KCNK10: variants seen among roughly 807,000 people sequenced by gnomAD.
The protein encoded by KCNK10 is potassium two pore domain channel subfamily K member 10, also known as potassium channel subfamily K member 10.
Under a neutral mutation model 47.7 loss-of-function variants are expected in KCNK10, and 25 were observed. The ratio of observed to expected loss-of-function variants is 0.52; its 90% CI spans 0.38 to 0.73. The LOEUF is 0.73. KCNK10 is among the 30% of genes least tolerant of loss of function. The probability of loss-of-function intolerance (pLI) is 0.00; values close to 1 mark genes in which losing one functional copy is unlikely to be tolerated. For synonymous variants in KCNK10, 303 were observed against 285.6 expected, an observed-to-expected ratio of 1.06 and a Z score of -0.61; for missense variants, 563 against 714.5, an observed-to-expected ratio of 0.79 and a Z score of 2.42.
chr14:88,257,955 T>G (rs1369838947), intron 2 of KCNK10, among the ~76,000 whole-genome samples: 1 of 152,064 alleles, frequency 6.6e-6, no homozygotes, highest in Non-Finnish European at 1.5e-5. Flanking sequence ...AACCCTGGCC[T>G]CTACCCACTA....
At chr14:88,267,375 C>CTTT (rs59088203) in intron 1 of KCNK10, among the ~76,000 whole-genome samples, 1 of 145,046 alleles carries the variant, frequency 6.9e-6, no homozygotes, top group African/African-American at 2.5e-5. Flanking sequence ...TTTTCTTTTT[C>CTTT]TTTTTTTTTT....
chr14:88,287,015 T>C (rs769844096), intron 1 of KCNK10, among the ~76,000 whole-genome samples: 30 of 152,216 alleles, frequency 2.0e-4, no homozygotes, highest in Non-Finnish European at 3.5e-4. Flanking sequence ...TCCAAGTGCT[T>C]TACATGCATT....
At chr14:88,301,539 A>C (rs1219457727) in intron 1 of KCNK10, among the ~76,000 whole-genome samples, 1 of 152,064 alleles carries the variant, frequency 6.6e-6, no homozygotes, top group Non-Finnish European at 1.5e-5. Context: ...GAGGGTGCCC[A>C]GCAGGAGTGG....
chr14:88,242,266 T>C (rs1290091200), intron 2 of KCNK10, among the ~76,000 whole-genome samples: 9 of 152,254 alleles, frequency 5.9e-5, no homozygotes, highest in Admixed American at 5.9e-4. Flanking sequence ...CTGAGTTATT[T>C]CAAACACTCT....
intron 4 of KCNK10, 72 bp downstream of exon 4, chr14:88,227,303 C>A: frequency 8.3e-7 from 1 of 1,199,162 alleles, no homozygotes; most frequent in Non-Finnish European, 1.2e-6. Flanking sequence ...CCTGATACTG[C>A]CTCCTGGATC....
intron 4 of KCNK10, among the ~76,000 whole-genome samples, chr14:88,221,845 C>T (rs1245304227): frequency 1.3e-5 from 2 of 152,112 alleles, no homozygotes; most frequent in Admixed American, 6.5e-5. Context: ...ATGGTACACC[C>T]AGAAAATGGA....
intron 1 of KCNK10, among the ~76,000 whole-genome samples, chr14:88,309,765 A>G (rs936786908): frequency 3.7e-4 from 56 of 152,274 alleles, no homozygotes; most frequent in Non-Finnish European, 6.5e-4. Flanking sequence ...TCACCAATCT[A>G]GATTCAGTAT....
intron 4 of KCNK10, among the ~76,000 whole-genome samples, chr14:88,224,705 G>T (rs1246557077): frequency 6.6e-6 from 1 of 152,188 alleles, no homozygotes; most frequent in Non-Finnish European, 1.5e-5. Context: ...CACCTCCTGG[G>T]TTCAAGCAAT....
intron 3 of KCNK10, among the ~76,000 whole-genome samples, chr14:88,236,266 A>G (rs1198017198): frequency 6.6e-6 from 1 of 151,968 alleles, no homozygotes; most frequent in Non-Finnish European, 1.5e-5. Context: ...GCAGTGAGCT[A>G]TGTTCATACC....
chr14:88,197,612 A>AAAAAAAAAAAAAAAAAAAACT (rs1595074912), intron 4 of KCNK10, among the ~76,000 whole-genome samples: 1 of 131,000 alleles, frequency 7.6e-6, no homozygotes, highest in African/African-American at 2.9e-5. Context: ...AAAAAAAAAA[A>AAAAAAAAAAAAAAAAAAAACT]TCAACTGTTC....
chr14:88,277,805 A>C (rs963647079), intron 1 of KCNK10, among the ~76,000 whole-genome samples: 4 of 152,280 alleles, frequency 2.6e-5, no homozygotes, highest in African/African-American at 9.6e-5. Flanking sequence ...AGAGCCACTG[A>C]GCATAGGCTG....
At chr14:88,257,579 G>C (rs1886992607) in intron 2 of KCNK10, among the ~76,000 whole-genome samples, 1 of 152,148 alleles carries the variant, frequency 6.6e-6, no homozygotes, top group African/African-American at 2.4e-5. Flanking sequence ...TCAGAGCCTG[G>C]GATATGTGGT....
At chr14:88,325,510 C>G (rs1888642054), upstream of KCNK10, among the ~76,000 whole-genome samples, 4 of 152,162 alleles carry the variant, frequency 2.6e-5, no homozygotes, top group South Asian at 8.3e-4. Context: ...AAGAAACATT[C>G]CCAAGGTCAC....
chr14:88,273,240 G>A (rs1887448753), intron 1 of KCNK10, among the ~76,000 whole-genome samples: 1 of 152,154 alleles, frequency 6.6e-6, no homozygotes, highest in Non-Finnish European at 1.5e-5. Context: ...AAAAACTAGA[G>A]AGGAAAAGGG....
chr14:88,229,225 A>T (rs1886082478), intron 3 of KCNK10, among the ~76,000 whole-genome samples: 1 of 152,114 alleles, frequency 6.6e-6, no homozygotes, highest in Non-Finnish European at 1.5e-5. Context: ...TAATCCTGAC[A>T]AGTGCTACAC....
At chr14:88,284,349 G>C (rs1259445717) in intron 1 of KCNK10, among the ~76,000 whole-genome samples, 1 of 152,088 alleles carries the variant, frequency 6.6e-6, no homozygotes, top group Non-Finnish European at 1.5e-5. Context: ...TCTCGAGAAA[G>C]ACAGAACTAA....
At chr14:88,282,861 C>T (rs17124407) in intron 1 of KCNK10, among the ~76,000 whole-genome samples, 8,048 of 152,302 alleles carry the variant, frequency 0.053, 327 homozygotes, top group Non-Finnish European at 0.074. Flanking sequence ...CTGGAATCCA[C>T]GACCTCCTGA....
chr14:88,207,521 G>A (rs1885320931), intron 4 of KCNK10, among the ~76,000 whole-genome samples: 1 of 152,152 alleles, frequency 6.6e-6, no homozygotes, highest in South Asian at 2.1e-4. Flanking sequence ...TGCAGGATTA[G>A]GAGAGTAGGA....
chr14:88,313,744 A>T (rs992807353), intron 1 of KCNK10, among the ~76,000 whole-genome samples: 1 of 152,206 alleles, frequency 6.6e-6, no homozygotes, highest in African/African-American at 2.4e-5. Context: ...TGAATTATTG[A>T]TCCACAGAAC....
Sources: allele counts gnomAD v4.1 joint callset (sites outside exome capture counted in the v4.1 genomes callset), GRCh38; gene constraint gnomAD v4.1.1; transcripts MANE v1.5; gene names NCBI Gene and HGNC (gene_info 2026-07-23, HGNC 2026-07-21).